DLC1: variants seen among roughly 807,000 people sequenced by gnomAD.
The protein encoded by DLC1 is rho GTPase-activating protein 7.
In DLC1, 54 loss-of-function variants were observed where a neutral mutation model predicts 140.3. The observed-to-expected ratio is 0.38, with a 90% CI of 0.31 to 0.48. The LOEUF (loss-of-function observed/expected upper bound fraction) is 0.48, where lower values mean the gene tolerates loss of function less well. Ranked by LOEUF, DLC1 falls within the 20% of genes least tolerant of loss-of-function variation. The pLI is 0.96. For synonymous variants in DLC1, 986 were observed against 728.1 expected (o/e 1.35, Z -5.70); for missense variants, 2,536 against 1,907.0 (o/e 1.33, Z -6.14).
intron 5 of DLC1, among the ~76,000 whole-genome samples, chr8:13,123,783 G>T (rs1025284276): frequency 3.3e-5 from 5 of 152,102 alleles, no homozygotes; most frequent in African/African-American, 1.2e-4. Context: ...TATATCCCAA[G>T]CACCTACAAC....
At chr8:13,244,207 C>T (rs2117255485) in intron 5 of DLC1, among the ~76,000 whole-genome samples, 1 of 152,286 alleles carries the variant, frequency 6.6e-6, no homozygotes, top group South Asian at 2.1e-4. Context: ...TAGATACTTA[C>T]AGTGACTTTT....
intron 1 of DLC1, among the ~76,000 whole-genome samples, chr8:13,563,726 A>C (rs1804326991): frequency 1.3e-5 from 2 of 152,222 alleles, no homozygotes; most frequent in Non-Finnish European, 2.9e-5. Flanking sequence ...TATCCTAAAC[A>C]TATAGCTAGA....
chr8:13,504,040 A>G (rs942472684), intron 1 of DLC1, among the ~76,000 whole-genome samples: 1 of 152,136 alleles, frequency 6.6e-6, no homozygotes, highest in African/African-American at 2.4e-5. Context: ...AGAGGTAACA[A>G]TAAATTCCAG....
intron 2 of DLC1, among the ~76,000 whole-genome samples, chr8:13,458,685 A>G (rs1799524582): frequency 6.6e-6 from 1 of 152,190 alleles, no homozygotes; most frequent in Non-Finnish European, 1.5e-5. Context: ...AATACTTCAA[A>G]TAACCTTTTG....
At chr8:13,176,375 G>A (rs747818408) in intron 5 of DLC1, among the ~76,000 whole-genome samples, 3 of 152,120 alleles carry the variant, frequency 2.0e-5, no homozygotes, top group Non-Finnish European at 4.4e-5. Flanking sequence ...TCAGGAGATC[G>A]AGATTATCCT....
intron 2 of DLC1, among the ~76,000 whole-genome samples, chr8:13,492,721 ATTTAT>A (rs1462288250): frequency 6.6e-6 from 1 of 152,144 alleles, no homozygotes; most frequent in African/African-American, 2.4e-5. Flanking sequence ...AATGCTCAAT[ATTTAT>A]TGATTGATTT....
At chr8:13,331,716 T>C (rs1833597291) in intron 4 of DLC1, among the ~76,000 whole-genome samples, 3 of 152,098 alleles carry the variant, frequency 2.0e-5, no homozygotes. Flanking sequence ...AAACTTTTCA[T>C]AAAACCTGAA....
At chr8:13,086,623 G>T (rs138990878) in intron 16 of DLC1, among the ~76,000 whole-genome samples, 160 bp from the exon 17 acceptor site, 8 of 152,310 alleles carry the variant, frequency 5.3e-5, no homozygotes, top group African/African-American at 1.9e-4. Context: ...TAAACTACTT[G>T]CTATGGTGTA....
chr8:13,178,798 T>C (rs1825886931), intron 5 of DLC1, among the ~76,000 whole-genome samples: 1 of 151,504 alleles, frequency 6.6e-6, no homozygotes, highest in African/African-American at 2.4e-5. Context: ...ACACCAAGAG[T>C]TGGATGTGGA....
intron 8 of DLC1, among the ~76,000 whole-genome samples, chr8:13,102,222 G>C (rs1385653221): frequency 2.6e-5 from 4 of 152,176 alleles, no homozygotes; most frequent in Non-Finnish European, 4.4e-5. Flanking sequence ...CTCATAAAAA[G>C]TCTTCACAAC....
At chr8:13,445,031 T>G (rs1021772059) in intron 2 of DLC1, among the ~76,000 whole-genome samples, 9 of 150,338 alleles carry the variant, frequency 6.0e-5, no homozygotes, top group African/African-American at 2.0e-4. Flanking sequence ...AGACAGAGAT[T>G]GAGAGAAGGG....
At chr8:13,579,315 T>TTTTTTTTATA (rs1487346725) in intron 1 of DLC1, among the ~76,000 whole-genome samples, 1 of 10,670 alleles carries the variant, frequency 9.4e-5, no homozygotes, top group Non-Finnish European at 1.6e-4. Context: ...AGGTCTGACT[T>TTTTTTTTATA]TATATATATA....
chr8:13,198,084 C>CAA (rs140102261), intron 5 of DLC1, among the ~76,000 whole-genome samples: 5 of 144,950 alleles, frequency 3.4e-5, no homozygotes, highest in African/African-American at 1.3e-4. Context: ...AACCCTGTCT[C>CAA]AAAAAAAACA....
At chr8:13,139,750 C>T (rs916717132) in intron 5 of DLC1, among the ~76,000 whole-genome samples, 2 of 152,212 alleles carry the variant, frequency 1.3e-5, no homozygotes, top group African/African-American at 2.4e-5. Context: ...TTGGTCTTTA[C>T]CAAGGACAGC....
chr8:13,525,010 CT>C (rs56729504), intron 1 of DLC1, among the ~76,000 whole-genome samples: 3,371 of 152,260 alleles, frequency 0.022, 143 homozygotes, highest in African/African-American at 0.077. Context: ...CTCCCTTCTT[CT>C]GCTCCCAAGG....
At chr8:13,403,683 T>C (rs1172922712) in intron 2 of DLC1, among the ~76,000 whole-genome samples, 7 of 152,104 alleles carry the variant, frequency 4.6e-5, no homozygotes, top group Admixed American at 4.6e-4. Flanking sequence ...TTGCCCAGGC[T>C]GTAGTGCAGT....
chr8:13,579,576 T>C (rs1436487581), intron 1 of DLC1, among the ~76,000 whole-genome samples: 2 of 126,704 alleles, frequency 1.6e-5, no homozygotes, highest in African/African-American at 3.0e-5. Flanking sequence ...ATATTTAATA[T>C]ATTATATTTT....
At chr8:13,391,005 A>AG (rs1284214535) in intron 4 of DLC1, among the ~76,000 whole-genome samples, 4 of 151,472 alleles carry the variant, frequency 2.6e-5, no homozygotes, top group African/African-American at 7.3e-5. Flanking sequence ...AGAAAAAAAA[A>AG]AGAAAAAATA....
At chr8:13,515,165 T>A (rs1729596276), upstream of DLC1, among the ~76,000 whole-genome samples, 1 of 152,236 alleles carries the variant, frequency 6.6e-6, no homozygotes, top group African/African-American at 2.4e-5. Flanking sequence ...CTATATTAAA[T>A]GTATATGCAC....
Sources: gnomAD v4.1 joint callset for allele counts (sites outside exome capture counted in the v4.1 genomes callset) on GRCh38, gnomAD v4.1.1 for gene constraint, MANE v1.5 for transcripts, NCBI Gene and HGNC (gene_info 2026-07-23, HGNC 2026-07-21) for gene names.